Variants in IL1RAPL2 observed in about 807,000 individuals in gnomAD.
IL1RAPL2 encodes interleukin 1 receptor accessory protein like 2, also known as X-linked interleukin-1 receptor accessory protein-like 2.
A neutral mutation model predicts 44.1 loss-of-function variants in IL1RAPL2; 3 were observed. The ratio of observed to expected loss-of-function variants is 0.07; its 90% CI spans 0.03 to 0.18. The LOEUF is 0.18. IL1RAPL2 is among the 10% of genes least tolerant of loss of function. The probability of loss-of-function intolerance (pLI) is 1.00; values close to 1 mark genes in which losing one functional copy is unlikely to be tolerated. For missense variants in IL1RAPL2, 391 were observed against 496.4 expected (o/e 0.79, Z 2.02); for synonymous variants, 181 against 178.8 (o/e 1.01, Z -0.10).
At chrX:104,932,208 A>C (rs1924923240) in intron 2 of IL1RAPL2, among the ~76,000 whole-genome samples, 1 of 109,030 alleles carries the variant, frequency 9.2e-6, no homozygotes, top group African/African-American at 3.3e-5. Context: ...CATGTTGGCC[A>C]GGCTGGTCTC....
intron 6 of IL1RAPL2, among the ~76,000 whole-genome samples, chrX:105,625,047 A>G (rs1256322970): frequency 8.9e-6 from 1 of 112,065 alleles, no homozygotes; most frequent in Admixed American, 9.5e-5. Context: ...TATTTCATTT[A>G]TGTTATATTA....
chrX:105,335,262 G>T (rs2035019569), intron 5 of IL1RAPL2, among the ~76,000 whole-genome samples: 1 of 111,458 alleles, frequency 9.0e-6, no homozygotes, highest in African/African-American at 3.3e-5. Context: ...TAGCTGTTCA[G>T]TGGGTAGGGC....
intron 5 of IL1RAPL2, among the ~76,000 whole-genome samples, chrX:105,361,656 C>T (rs754218178): frequency 9.0e-6 from 1 of 110,885 alleles, no homozygotes; most frequent in East Asian, 2.8e-4. Context: ...AGATAATAGA[C>T]TTGTATTGTG....
intron 2 of IL1RAPL2, among the ~76,000 whole-genome samples, chrX:104,951,998 A>G (rs1043478350): frequency 8.9e-6 from 1 of 112,254 alleles, no homozygotes; most frequent in Non-Finnish European, 1.9e-5. Flanking sequence ...ACATGTTCCA[A>G]TCAGCCACAT....
chrX:105,646,251 T>C (rs1324829319), intron 6 of IL1RAPL2, among the ~76,000 whole-genome samples: 1 of 111,795 alleles, frequency 8.9e-6, no homozygotes, highest in Non-Finnish European at 1.9e-5. Flanking sequence ...TTTGTGTGCA[T>C]TGATTTGTCA....
chrX:105,386,894 C>T (rs1030036740), intron 5 of IL1RAPL2, among the ~76,000 whole-genome samples: 1 of 111,431 alleles, frequency 9.0e-6, no homozygotes, highest in African/African-American at 3.3e-5. Context: ...AGTGTTTTAC[C>T]TCCCTGGACC....
chrX:104,755,593 T>A, intron 2 of IL1RAPL2, among the ~76,000 whole-genome samples: 1 of 110,940 alleles, frequency 9.0e-6, no homozygotes, highest in Non-Finnish European at 1.9e-5. Context: ...CATTCTATGA[T>A]CCATGAATGA....
chrX:105,586,271 G>A (rs887208046), intron 6 of IL1RAPL2, among the ~76,000 whole-genome samples: 2 of 111,932 alleles, frequency 1.8e-5, no homozygotes, highest in African/African-American at 3.2e-5. Flanking sequence ...CTGATCATTA[G>A]AGAAATGCAA....
chrX:104,749,841 G>A (rs769889710), intron 2 of IL1RAPL2, among the ~76,000 whole-genome samples: 1 of 111,821 alleles, frequency 8.9e-6, no homozygotes, highest in South Asian at 3.7e-4. Flanking sequence ...ATGTATAAAT[G>A]CGTTACTGTA....
At chrX:105,072,194 CTT>C (rs1782165992) in intron 2 of IL1RAPL2, among the ~76,000 whole-genome samples, 1 of 111,479 alleles carries the variant, frequency 9.0e-6, no homozygotes, top group Non-Finnish European at 1.9e-5. Flanking sequence ...TACACACACT[CTT>C]TTCGCCTGCT....
At chrX:105,520,791 TTA>T (rs1377019537) in intron 6 of IL1RAPL2, among the ~76,000 whole-genome samples, 8 of 111,009 alleles carry the variant, frequency 7.2e-5, no homozygotes, top group African/African-American at 2.6e-4. Context: ...CTGCAACTGC[TTA>T]TACTCCTCCA....
intron 2 of IL1RAPL2, among the ~76,000 whole-genome samples, chrX:104,809,003 C>A (rs1260435457): frequency 1.8e-5 from 2 of 111,268 alleles, no homozygotes; most frequent in African/African-American, 6.5e-5. Flanking sequence ...CAGATAAGAC[C>A]AATAGATGAT....
intron 7 of IL1RAPL2, among the ~76,000 whole-genome samples, chrX:105,729,419 T>TGTC (rs1300085266): frequency 9.0e-6 from 1 of 111,462 alleles, no homozygotes; most frequent in Non-Finnish European, 1.9e-5. Context: ...TGTATGTCAT[T>TGTC]GTCTAAATTT....
Position 104,724,008 on chromosome X carries a change from A to C in IL1RAPL2, c.82+65013A>C, listed in dbSNP as rs184332321. Among the ~76,000 whole-genome samples the C allele has an allele frequency of 5.4e-5, 6 of 111,990 alleles. No homozygotes were observed. The East Asian group carries it at 1.4e-3, about 26-fold the overall frequency. On this transcript the variant is annotated intron_variant, in intron 2 of 10. Coordinates refer to ENST00000372582, the MANE Select transcript of IL1RAPL2 (RefSeq NM_017416.2). ...CAATAGAATTATATCCCTAAGAATT[A>C]GACATAGCAGAATAGAGATACAGGA...
intron 2 of IL1RAPL2, among the ~76,000 whole-genome samples, chrX:104,916,776 G>GAA (rs1924453497): frequency 9.0e-6 from 1 of 111,180 alleles, no homozygotes; most frequent in Non-Finnish European, 1.9e-5. Flanking sequence ...TTTTTAGCAT[G>GAA]AAGGGTTGTT....
intron 5 of IL1RAPL2, among the ~76,000 whole-genome samples, chrX:105,357,397 T>G (rs1002261997): frequency 8.9e-6 from 1 of 111,984 alleles, no homozygotes; most frequent in Non-Finnish European, 1.9e-5. Context: ...TAATTATCAC[T>G]ACCATAATAG....
At chrX:105,262,485 C>A (rs769190352) in intron 4 of IL1RAPL2, among the ~76,000 whole-genome samples, 1 of 111,601 alleles carries the variant, frequency 9.0e-6, no homozygotes, top group African/African-American at 3.3e-5. Flanking sequence ...ATGTGATGCC[C>A]TATATTACAG....
intron 3 of IL1RAPL2, among the ~76,000 whole-genome samples, chrX:105,200,427 C>T (rs1159622188): frequency 3.6e-5 from 4 of 111,680 alleles, no homozygotes; most frequent in African/African-American, 9.8e-5. Flanking sequence ...TTGTGAGAGA[C>T]GGTGCCAATC....
At chrX:105,637,230 C>A in intron 6 of IL1RAPL2, among the ~76,000 whole-genome samples, 1 of 111,709 alleles carries the variant, frequency 9.0e-6, no homozygotes, top group Non-Finnish European at 1.9e-5. Context: ...ATACACCACT[C>A]ATATTGTTTT....
Sources: allele counts gnomAD v4.1 joint callset (sites outside exome capture counted in the v4.1 genomes callset), GRCh38; gene constraint gnomAD v4.1.1; transcripts MANE v1.5; gene names NCBI Gene and HGNC (gene_info 2026-07-23, HGNC 2026-07-21).